Variants in CNR2 observed in about 807,000 individuals in gnomAD.
The protein encoded by CNR2 is cannabinoid receptor 2 (macrophage).
For synonymous variants in CNR2, 172 were observed against 182.2 expected (o/e 0.94, Z 0.45); for missense variants, 379 against 439.9 (o/e 0.86, Z 1.24).
At chr1:23,900,972 T>C (rs967243484) in intron 1 of CNR2, among the ~76,000 whole-genome samples, 7 of 152,158 alleles carry the variant, frequency 4.6e-5, no homozygotes, top group African/African-American at 1.7e-4. Flanking sequence ...AGGCTTATTA[T>C]TTGTTTTGTT....
chr1:23,902,923 G>A (rs61778217), intron 1 of CNR2, among the ~76,000 whole-genome samples: 17,075 of 151,278 alleles, frequency 0.11, 1,311 homozygotes, highest in East Asian at 0.35. Context: ...CCATCCTCGA[G>A]GGCGGGGCGT....
chr1:23,888,790 G>A (rs1640135119), intron 1 of CNR2, among the ~76,000 whole-genome samples: 1 of 152,042 alleles, frequency 6.6e-6, no homozygotes, highest in South Asian at 2.1e-4. Flanking sequence ...GGCCAACACG[G>A]TGAAACCCTG....
intron 1 of CNR2, among the ~76,000 whole-genome samples, chr1:23,903,123 G>A (rs1413083574): frequency 2.0e-5 from 3 of 151,982 alleles, no homozygotes; most frequent in Admixed American, 2.0e-4. Flanking sequence ...GCTGCCACCC[G>A]TGCCCCTACC....
chr1:23,876,158 A>G (rs1212410361), intron 1 of CNR2, among the ~76,000 whole-genome samples: 1 of 152,030 alleles, frequency 6.6e-6, no homozygotes, highest in Non-Finnish European at 1.5e-5. Context: ...ATGGGAAGAG[A>G]AAGTACAGAA....
intron 1 of CNR2, among the ~76,000 whole-genome samples, chr1:23,899,405 T>C (rs141627223): frequency 9.2e-4 from 128 of 139,006 alleles, no homozygotes; most frequent in African/African-American, 3.0e-3. Flanking sequence ...CTGAACTAAC[T>C]TTGGGAGAAA....
chr1:23,878,023 A>T (rs1639918758), intron 1 of CNR2, among the ~76,000 whole-genome samples: 2 of 152,186 alleles, frequency 1.3e-5, no homozygotes, highest in African/African-American at 4.8e-5. Flanking sequence ...AAAGAGATAA[A>T]GTGATGGAAA....
chr1:23,889,108 G>A lies in CNR2; in HGVS notation c.-45-13446C>T, dbSNP rs185484333. ...ATAGGGAGCGTCCATGGTGGGGCTG[G>A]TGTTAGGGGCTGCAGCCTACAGCCT... On this transcript the variant is annotated intron_variant, in intron 1 of 1. Coordinates refer to ENST00000374472, the MANE Select transcript of CNR2 (RefSeq NM_001841.3). Among the ~76,000 whole-genome samples the A allele has an allele frequency of 6.1e-4, 93 of 152,300 alleles. 1 individual carries two copies. In the East Asian group the frequency reaches 0.015, roughly 25 times the overall value.
At chr1:23,907,128 C>G (rs1640505722) in intron 1 of CNR2, 1 of 151,996 alleles carries the variant, frequency 6.6e-6, no homozygotes, top group South Asian at 2.1e-4. Context: ...GGCATGGTGG[C>G]ACACTCCTGT....
chr1:23,875,117 C>T lies in CNR2; in HGVS notation c.501G>A (p.Leu167=), dbSNP rs750020880. 3 of 1,605,140 alleles carry T rather than the reference C, an allele frequency of 1.9e-6. No homozygotes were observed. Among genetic ancestry groups the T allele is most frequent in the South Asian group, 2.2e-5 (2 of 89,624 alleles). ...GACAGCAAGTCCATCCCATGAGGGG[C>T]AGGTAGGAGACTAGTGCTGAGAGGA... ...MWVLSALVSY[L]PLMGWTCCPR... is the part of the protein sequence containing the mutation. Residue 167 remains leucine, a synonymous_variant, in exon 2 of 2, where the codon CTG becomes CTA. Coordinates refer to ENST00000374472, the MANE Select transcript of CNR2 (RefSeq NM_001841.3).
intron 1 of CNR2, among the ~76,000 whole-genome samples, chr1:23,888,565 A>C (rs989081983): frequency 2.0e-5 from 3 of 152,148 alleles, no homozygotes; most frequent in Non-Finnish European, 4.4e-5. Flanking sequence ...AGAGTTCTGA[A>C]TATTAAGAAT....
intron 1 of CNR2, among the ~76,000 whole-genome samples, chr1:23,912,791 G>T (rs1448872851): frequency 6.6e-6 from 1 of 152,142 alleles, no homozygotes; most frequent in Non-Finnish European, 1.5e-5. Flanking sequence ...ACAACCCCAG[G>T]TGTCCTGAAA....
At position 23,874,344 on chromosome 1, in the gene CNR2, C is replaced by A. The variant is rs1033510334; in HGVS notation, c.*191G>T. 3 of 625,296 alleles carry A rather than the reference C, an allele frequency of 4.8e-6. No individual in the cohort carries two copies. The East Asian group carries it at 8.3e-5, about 17-fold the overall frequency. 38.7% of individuals were successfully genotyped at this position (625,296 alleles called of 1,614,324 possible). ...ACTCCTCGTGGCCCTACCTATCCAACAGACTGTGTGCAGGTGGGCAAGGCC... is the reference window on the plus strand; with the variant it reads ...ACTCCTCGTGGCCCTACCTATCCAAAAGACTGTGTGCAGGTGGGCAAGGCC... On this transcript the variant is annotated 3_prime_UTR_variant, in exon 2 of 2. Coordinates refer to ENST00000374472, the MANE Select transcript of CNR2 (RefSeq NM_001841.3).
At chr1:23,911,033 T>C (rs1640575050) in intron 1 of CNR2, among the ~76,000 whole-genome samples, 2 of 151,904 alleles carry the variant, frequency 1.3e-5, no homozygotes. Context: ...AGAGTGCCCT[T>C]TGTGTCTCGT....
intron 1 of CNR2, among the ~76,000 whole-genome samples, chr1:23,898,038 T>G (rs1640313544): frequency 6.6e-6 from 1 of 152,064 alleles, no homozygotes; most frequent in Admixed American, 6.6e-5. Flanking sequence ...ATTTTTTGTT[T>G]GTTTTTGAGA....
At chr1:23,889,155 A>G (rs1247435085) in intron 1 of CNR2, among the ~76,000 whole-genome samples, 1 of 152,086 alleles carries the variant, frequency 6.6e-6, no homozygotes, top group African/African-American at 2.4e-5. Context: ...AGCATCTGGG[A>G]AGGGAAACTT....
intron 1 of CNR2, among the ~76,000 whole-genome samples, chr1:23,908,141 C>T (rs1400482863): frequency 2.0e-5 from 3 of 151,662 alleles, no homozygotes; most frequent in Non-Finnish European, 4.4e-5. Context: ...CCACTATGCC[C>T]GGCTAATTTT....
intron 1 of CNR2, chr1:23,902,744 C>T (rs1249016948): frequency 3.9e-6 from 6 of 1,539,630 alleles, no homozygotes; most frequent in Admixed American, 1.9e-5. Context: ...TGGGGGACCG[C>T]GCCATTTGGG....
chr1:23,888,529 T>G (rs1345687042), intron 1 of CNR2, among the ~76,000 whole-genome samples: 1 of 152,102 alleles, frequency 6.6e-6, no homozygotes, highest in East Asian at 1.9e-4. Flanking sequence ...GGTAGAAGGA[T>G]TCACACTTTT....
intron 1 of CNR2, among the ~76,000 whole-genome samples, chr1:23,889,356 A>G (rs750140805): frequency 1.3e-5 from 2 of 152,282 alleles, no homozygotes; most frequent in African/African-American, 4.8e-5. Flanking sequence ...GGAAGCTGAG[A>G]TTTGATGCCA....
Sources: gnomAD v4.1 joint callset for allele counts (sites outside exome capture counted in the v4.1 genomes callset) on GRCh38, gnomAD v4.1.1 for gene constraint, MANE v1.5 for transcripts, NCBI Gene and HGNC (gene_info 2026-07-23, HGNC 2026-07-21) for gene names.